Variants in ZNF385D observed in about 807,000 individuals in gnomAD.
ZNF385D encodes the protein zinc finger protein 659.
Under a neutral mutation model 35.8 loss-of-function variants are expected in ZNF385D, and 15 were observed. That is an observed-to-expected ratio of 0.42 (90% CI 0.28 to 0.64). The LOEUF (loss-of-function observed/expected upper bound fraction) is 0.64. Among genes scored for constraint, ZNF385D ranks in the 30% least tolerant of loss-of-function variants. The pLI is 0.23. For synonymous variants in ZNF385D, 212 were observed against 186.8 expected (o/e 1.13, Z -1.10); for missense variants, 474 against 494.6 (o/e 0.96, Z 0.39).
At chr3:22,171,614 C>T (rs1184602909) in intron 2 of ZNF385D, among the ~76,000 whole-genome samples, 5 of 152,054 alleles carry the variant, frequency 3.3e-5, no homozygotes, top group African/African-American at 1.2e-4. Context: ...CGGTGGCTCA[C>T]GCCTGTAATC....
intron 2 of ZNF385D, among the ~76,000 whole-genome samples, chr3:22,296,006 T>C (rs1292414911): frequency 2.0e-5 from 3 of 152,184 alleles, no homozygotes; most frequent in Non-Finnish European, 4.4e-5. Context: ...AACAAATGAC[T>C]GGATCACCTA....
At chr3:21,519,489 A>G (rs780486174) in intron 3 of ZNF385D, among the ~76,000 whole-genome samples, 15 of 152,172 alleles carry the variant, frequency 9.9e-5, no homozygotes, top group African/African-American at 3.1e-4. Context: ...CCTGGTTCCT[A>G]TTATGAAAGA....
intron 3 of ZNF385D, among the ~76,000 whole-genome samples, chr3:22,098,690 A>G (rs1292972875): frequency 6.6e-6 from 1 of 152,114 alleles, no homozygotes; most frequent in Admixed American, 6.6e-5. Flanking sequence ...AAGAGAAGAA[A>G]TGTCACATGA....
intron 3 of ZNF385D, among the ~76,000 whole-genome samples, chr3:22,162,287 C>T (rs568182816): frequency 1.3e-5 from 2 of 152,228 alleles, no homozygotes; most frequent in Admixed American, 6.5e-5. Context: ...TTCAGAGGGG[C>T]TACAGACTAC....
intron 3 of ZNF385D, among the ~76,000 whole-genome samples, chr3:21,900,900 C>T (rs1315965020): frequency 6.6e-6 from 1 of 152,086 alleles, no homozygotes; most frequent in East Asian, 1.9e-4. Context: ...CATACAATAG[C>T]CCTCCCAGGA....
chr3:21,995,372 C>A (rs780890054), intron 3 of ZNF385D, among the ~76,000 whole-genome samples: 34 of 152,276 alleles, frequency 2.2e-4, no homozygotes, highest in Admixed American at 1.4e-3. Context: ...GTCCTCAGGA[C>A]CCCCGAGTGT....
At chr3:21,475,572 G>C (rs769204608) in intron 4 of ZNF385D, among the ~76,000 whole-genome samples, 2 of 152,072 alleles carry the variant, frequency 1.3e-5, no homozygotes, top group Non-Finnish European at 2.9e-5. Context: ...AAAGAGCCAA[G>C]AGGAAAGATC....
chr3:22,230,099 C>T (rs748144316), intron 2 of ZNF385D, among the ~76,000 whole-genome samples: 2 of 152,250 alleles, frequency 1.3e-5, no homozygotes, highest in Admixed American at 6.5e-5. Flanking sequence ...TGAGGGACAA[C>T]GATGAGCCTC....
intron 2 of ZNF385D, among the ~76,000 whole-genome samples, chr3:22,215,199 T>C (rs113127606): frequency 2.4e-3 from 365 of 152,086 alleles, no homozygotes; most frequent in African/African-American, 8.5e-3. Context: ...CACAAATTGT[T>C]CGTACAGCAT....
chr3:22,046,335 C>G (rs1699005051), intron 3 of ZNF385D, among the ~76,000 whole-genome samples: 1 of 152,120 alleles, frequency 6.6e-6, no homozygotes, highest in African/African-American at 2.4e-5. Flanking sequence ...ATCGCTATCA[C>G]TGTTCCGTAA....
In ZNF385D at chr3:21,414,098, A is replaced by C. The variant is rs2125227368; in HGVS notation, c.*7116T>G. The C allele has an allele frequency of 6.6e-6, 1 of 152,250 alleles. No homozygotes were observed. The highest frequency in any genetic ancestry group is 1.5e-5 in the Non-Finnish European group (1 of 67,978). 9.4% of individuals were successfully genotyped at this position (152,250 alleles called of 1,614,324 possible). ...AAATTTCAGTGAATTAAATATTATT[A>C]GAAGAAATTATTGACTAAGTTTCAT... On this transcript the variant is annotated 3_prime_UTR_variant, in exon 8 of 8. Coordinates refer to ENST00000281523, the MANE Select transcript of ZNF385D (RefSeq NM_024697.3).
intron 3 of ZNF385D, among the ~76,000 whole-genome samples, chr3:21,826,605 AAG>A (rs1332243085): frequency 6.6e-6 from 1 of 152,130 alleles, no homozygotes; most frequent in African/African-American, 2.4e-5. Flanking sequence ...CAGACAGGAA[AAG>A]AAGCAAGGAT....
At chr3:22,121,715 G>T (rs1278218461) in intron 3 of ZNF385D, among the ~76,000 whole-genome samples, 1 of 150,970 alleles carries the variant, frequency 6.6e-6, no homozygotes, top group Non-Finnish European at 1.5e-5. Flanking sequence ...GAATTGCTGG[G>T]TAAACACAAT....
chr3:22,258,521 T>TA (rs1032098486), intron 2 of ZNF385D, among the ~76,000 whole-genome samples: 6 of 151,506 alleles, frequency 4.0e-5, no homozygotes, highest in African/African-American at 1.5e-4. Flanking sequence ...AAAGAATGAC[T>TA]AAAAAAAGGC....
chr3:22,351,468 C>CCA (rs1484972284), intron 2 of ZNF385D, among the ~76,000 whole-genome samples: 1 of 151,896 alleles, frequency 6.6e-6, no homozygotes, highest in East Asian at 1.9e-4. Flanking sequence ...AATACTTGGC[C>CCA]CAGCTGTCTG....
At chr3:21,652,458 T>A (rs2065944910) in intron 2 of ZNF385D, among the ~76,000 whole-genome samples, 1 of 152,094 alleles carries the variant, frequency 6.6e-6, no homozygotes, top group Non-Finnish European at 1.5e-5. Flanking sequence ...TGCAATAAAG[T>A]ATTAATATAT....
chr3:21,636,414 A>ATATATAGATAT (rs56114816), intron 2 of ZNF385D, among the ~76,000 whole-genome samples: 1 of 64,500 alleles, frequency 1.6e-5, no homozygotes, highest in Admixed American at 2.1e-4. Context: ...ATATATATAT[A>ATATATAGATAT]GAGTTTCTTA....
chr3:22,223,782 A>T (rs1024012430), intron 2 of ZNF385D, among the ~76,000 whole-genome samples: 2 of 152,210 alleles, frequency 1.3e-5, no homozygotes, highest in Admixed American at 1.3e-4. Flanking sequence ...TGTGTGTACC[A>T]TAATGATTTC....
intron 2 of ZNF385D, among the ~76,000 whole-genome samples, chr3:22,175,022 G>C (rs1694724065): frequency 1.3e-5 from 2 of 151,900 alleles, no homozygotes; most frequent in South Asian, 4.2e-4. Flanking sequence ...CTCTTATAAA[G>C]AGTTCTTAAA....
Sources: allele counts gnomAD v4.1 joint callset (sites outside exome capture counted in the v4.1 genomes callset), GRCh38; gene constraint gnomAD v4.1.1; transcripts MANE v1.5; gene names NCBI Gene and HGNC (gene_info 2026-07-23, HGNC 2026-07-21).